KMT2E: variants seen among roughly 807,000 people sequenced by gnomAD.
KMT2E encodes lysine methyltransferase 2E (inactive).
KMT2E carries 30 observed loss-of-function variants against 184.6 expected under a neutral mutation model. The observed-to-expected ratio is 0.16, with a 90% CI of 0.12 to 0.22. KMT2E has a LOEUF of 0.22. Ranked by LOEUF, KMT2E falls within the 10% of genes least tolerant of loss-of-function variation. The probability of loss-of-function intolerance (pLI) is 1.00; values close to 1 mark genes in which losing one functional copy is unlikely to be tolerated. For synonymous variants in KMT2E, 815 were observed against 776.5 expected, an observed-to-expected ratio of 1.05 and a Z score of -0.82; for missense variants, 2,023 against 2,237.4, an observed-to-expected ratio of 0.90 and a Z score of 1.93.
chr7:105,072,125 A>G (rs962573552), intron 6 of KMT2E, among the ~76,000 whole-genome samples: 5 of 152,068 alleles, frequency 3.3e-5, no homozygotes, highest in African/African-American at 1.2e-4. Flanking sequence ...CATCCTGGCT[A>G]ACATGGTGAA....
At chr7:105,051,880 C>T (rs949989216) in intron 3 of KMT2E, among the ~76,000 whole-genome samples, 9 of 152,274 alleles carry the variant, frequency 5.9e-5, no homozygotes, top group South Asian at 4.1e-4. Context: ...TGAACCGCCG[C>T]GCCTGGCCAA....
chr7:105,045,106 T>G (rs1454891368), intron 3 of KMT2E, among the ~76,000 whole-genome samples: 1 of 152,216 alleles, frequency 6.6e-6, no homozygotes, highest in East Asian at 1.9e-4. Flanking sequence ...TCCAAATCCT[T>G]ATGGTGTTCT....
chr7:105,036,775 A>G (rs563681355), intron 1 of KMT2E, among the ~76,000 whole-genome samples: 1 of 152,326 alleles, frequency 6.6e-6, no homozygotes, highest in Middle Eastern at 3.4e-3. Context: ...AGAAATGCAT[A>G]TTCATTTTGT....
In KMT2E at chr7:105,101,752, T is replaced by A. The variant is rs76426333; in HGVS notation, c.1888-134T>A. 3.8e-3 allele frequency: 3,688 copies of A among 961,676 alleles called. 95 individuals are homozygous for A. In the East Asian group the frequency reaches 0.061, roughly 16 times the overall value. 59.6% of individuals were successfully genotyped at this position (961,676 alleles called of 1,614,324 possible). On this transcript the variant is annotated intron_variant, in intron 16 of 26. Transcript: ENST00000311117. ...CAGCTTGAGATAAAAGACTATATAT[T>A]ATCTCTGTTCTTTATTATATATCAG...
At chr7:105,042,915 C>G (rs559148982) in intron 3 of KMT2E, among the ~76,000 whole-genome samples, 1 of 152,102 alleles carries the variant, frequency 6.6e-6, no homozygotes, top group South Asian at 2.1e-4. Context: ...CAATAACATA[C>G]ACTGGCTATG....
rs1006661721 is a variant in KMT2E, at chr7:105,038,110, T to C, written c.-188-16T>C. ...TTAAAAATAGCTCAAAACTCCTATG[T>C]TCACTTGGTTTCTAGGTCTATTCTG... is the stretch of plus-strand genomic sequence containing the variant. On this transcript the variant is annotated splice_polypyrimidine_tract_variant and intron_variant, in intron 1 of 26. Coordinates refer to ENST00000311117, the MANE Select transcript of KMT2E (RefSeq NM_182931.3). 1.6e-4 allele frequency: 24 copies of C among 152,218 alleles called. No homozygotes were observed. Among genetic ancestry groups the C allele is most frequent in the African/African-American group, 5.8e-4 (24 of 41,456 alleles). The allele number at this position is 152,218 out of a possible 1,614,324, so 9.4% of individuals were successfully genotyped here. A position where few individuals can be genotyped will look rare whatever the true frequency, so the allele number is the denominator to read the frequency against.
chr7:105,046,344 G>A (rs905565398), intron 3 of KMT2E, among the ~76,000 whole-genome samples: 3 of 151,998 alleles, frequency 2.0e-5, no homozygotes, highest in African/African-American at 7.2e-5. Flanking sequence ...TCTAAATTCA[G>A]ACTCCTTTTA....
chr7:105,074,416 C>A (rs934487679), intron 7 of KMT2E, among the ~76,000 whole-genome samples: 1 of 152,168 alleles, frequency 6.6e-6, no homozygotes, highest in African/African-American at 2.4e-5. Context: ...CCCACAGGCA[C>A]ACCACCAGAG....
intron 3 of KMT2E, among the ~76,000 whole-genome samples, chr7:105,061,014 T>C (rs1374971059): frequency 6.6e-6 from 1 of 152,198 alleles, no homozygotes; most frequent in Admixed American, 6.5e-5. Context: ...CATGACTATA[T>C]TCAGAACATA....
chr7:105,021,682 A>G (rs1274951209), intron 1 of KMT2E, among the ~76,000 whole-genome samples: 1 of 74,056 alleles, frequency 1.4e-5, no homozygotes, highest in African/African-American at 5.6e-5. Context: ...CATGGTTTGT[A>G]GAGTGGCGTT....
chr7:105,030,281 A>G (rs1200276404), intron 1 of KMT2E, among the ~76,000 whole-genome samples: 2 of 152,224 alleles, frequency 1.3e-5, no homozygotes, highest in Non-Finnish European at 2.9e-5. Flanking sequence ...GATTTGCCAG[A>G]TATCTTAAAA....
intron 12 of KMT2E, among the ~76,000 whole-genome samples, chr7:105,080,104 C>T (rs1797700037): frequency 6.6e-6 from 1 of 152,012 alleles, no homozygotes; most frequent in Non-Finnish European, 1.5e-5. Context: ...GCCTCGGCCT[C>T]CCTAAATGCT....
At chr7:105,093,541 G>A (rs999371595) in intron 15 of KMT2E, among the ~76,000 whole-genome samples, 1 of 152,064 alleles carries the variant, frequency 6.6e-6, no homozygotes, top group Non-Finnish European at 1.5e-5. Flanking sequence ...AAAGTTAGCC[G>A]GGCATGGTGG....
chr7:105,045,793 C>T (rs1796077488), intron 3 of KMT2E, among the ~76,000 whole-genome samples: 1 of 152,106 alleles, frequency 6.6e-6, no homozygotes, highest in Admixed American at 6.5e-5. Context: ...GTTTTAAATT[C>T]TTTTGGTTTT....
In KMT2E at chr7:105,106,668, C is replaced by A. The variant is rs780716600; in HGVS notation, c.2743C>A (p.Arg915=). 10 of 1,613,848 alleles carry A rather than the reference C, an allele frequency of 6.2e-6. No individual in the cohort carries two copies. In the African/African-American group the frequency reaches 9.3e-5, roughly 15 times the overall value. Residue 915 remains arginine, a synonymous_variant, in exon 20 of 27, where the codon CGG becomes AGG. Coordinates refer to ENST00000311117, the MANE Select transcript of KMT2E (RefSeq NM_182931.3). ...GGACCCATCTTTTGCCACGCCTCCACGGATAAAATCAGATGATGAAACTTG... is the reference window on the plus strand; with the variant it reads ...GGACCCATCTTTTGCCACGCCTCCAAGGATAAAATCAGATGATGAAACTTG... ...PMDPSFATPP[R]IKSDDETCRN... is the part of the protein sequence containing the mutation.
chr7:105,107,244 G>A (rs1406869420), intron 21 of KMT2E, 22 bp downstream of exon 21: 1 of 1,526,544 alleles, frequency 6.6e-7, no homozygotes, highest in Non-Finnish European at 8.9e-7. Context: ...ACTTAAAAAG[G>A]GTGAATTGGT....
intron 6 of KMT2E, among the ~76,000 whole-genome samples, chr7:105,071,127 A>G (rs1021349259): frequency 6.6e-6 from 1 of 152,158 alleles, no homozygotes. Context: ...TCTCTTAAAA[A>G]TATATGCTGA....
At chr7:105,027,834 T>C (rs1013199876) in intron 1 of KMT2E, among the ~76,000 whole-genome samples, 1 of 152,140 alleles carries the variant, frequency 6.6e-6, no homozygotes, top group Non-Finnish European at 1.5e-5. Context: ...GGTCCCTTGC[T>C]GATTTTATGG....
At chr7:105,023,285 C>A (rs1000777342) in intron 1 of KMT2E, among the ~76,000 whole-genome samples, 3 of 150,954 alleles carry the variant, frequency 2.0e-5, no homozygotes, top group Non-Finnish European at 4.4e-5. Flanking sequence ...CCCTGTAATC[C>A]CAGCTACTTG....
Sources: gnomAD v4.1 joint callset for allele counts (sites outside exome capture counted in the v4.1 genomes callset) on GRCh38, gnomAD v4.1.1 for gene constraint, MANE v1.5 for transcripts, NCBI Gene and HGNC (gene_info 2026-07-23, HGNC 2026-07-21) for gene names.